The following GNG2 variants were observed in gnomAD, a reference collection of about 807,000 sequenced individuals.
The protein encoded by GNG2 is G protein subunit gamma 2.
GNG2 carries 5 observed loss-of-function variants against 5.5 expected under a neutral mutation model. That is an observed-to-expected ratio of 0.91 (90% CI 0.48 to 1.92). The LOEUF (loss-of-function observed/expected upper bound fraction) is 1.92, where lower values mean the gene tolerates loss of function less well. Among genes scored for constraint, GNG2 ranks in the 30% most tolerant of loss-of-function variants. The pLI is 0.01. For missense variants in GNG2, 55 were observed against 88.4 expected, an observed-to-expected ratio of 0.62 and a Z score of 1.52; for synonymous variants, 28 against 32.0, an observed-to-expected ratio of 0.88 and a Z score of 0.42.
intron 2 of GNG2, among the ~76,000 whole-genome samples, chr14:51,909,674 C>A (rs1268323512): frequency 6.6e-6 from 1 of 152,172 alleles, no homozygotes; most frequent in Non-Finnish European, 1.5e-5. Flanking sequence ...CTCCAGGGCC[C>A]AAATTTGACT....
At chr14:51,923,539 A>G (rs933089363) in intron 2 of GNG2, among the ~76,000 whole-genome samples, 1 of 129,092 alleles carries the variant, frequency 7.7e-6, no homozygotes, top group East Asian at 2.1e-4. Context: ...ATATATACAC[A>G]TATACACATA....
Position 51,895,998 on chromosome 14 carries a change from C to G in GNG2, c.-30+18341C>G, listed in dbSNP as rs181621717. ...TGGAACTGTAAGTCCAATTAAACCTCTTTCTCTTGTAAATTGCCCAGTCTC... is the reference window on the plus strand; with the variant it reads ...TGGAACTGTAAGTCCAATTAAACCTGTTTCTCTTGTAAATTGCCCAGTCTC... On this transcript the variant is annotated intron_variant, in intron 2 of 3. Coordinates refer to ENST00000556766, the MANE Select transcript of GNG2 (RefSeq NM_053064.5). Among the ~76,000 whole-genome samples the G allele has an allele frequency of 3.3e-5, 5 of 152,372 alleles. No individual in the cohort carries two copies. In the East Asian group the frequency reaches 9.6e-4, roughly 29 times the overall value.
At chr14:51,950,266 C>T (rs1566709271) in intron 2 of GNG2, among the ~76,000 whole-genome samples, 2 of 152,058 alleles carry the variant, frequency 1.3e-5, no homozygotes, top group African/African-American at 4.8e-5. Context: ...GGAGGAATGG[C>T]TATTTACAGC....
intron 2 of GNG2, among the ~76,000 whole-genome samples, chr14:51,934,171 G>A (rs1298999654): frequency 1.3e-5 from 2 of 152,128 alleles, no homozygotes; most frequent in Non-Finnish European, 2.9e-5. Context: ...AAAGCAGCAC[G>A]TGAGGGCATG....
chr14:51,827,217 T>C (rs1881052639), intron 1 of GNG2, among the ~76,000 whole-genome samples: 1 of 152,206 alleles, frequency 6.6e-6, no homozygotes, highest in Non-Finnish European at 1.5e-5. Context: ...TCAATACTCT[T>C]TAAAGCCTTC....
At chr14:51,966,227 A>AAAAAAAAAAAAAAAAAAAAAAC (rs1566720324) in intron 3 of GNG2, among the ~76,000 whole-genome samples, 1 of 148,842 alleles carries the variant, frequency 6.7e-6, no homozygotes, top group African/African-American at 2.5e-5. Context: ...AAAAAAAAAA[A>AAAAAAAAAAAAAAAAAAAAAAC]AAAAAAAAAA....
chr14:51,867,948 T>C (rs944006720), intron 1 of GNG2, among the ~76,000 whole-genome samples: 1 of 152,168 alleles, frequency 6.6e-6, no homozygotes, highest in Non-Finnish European at 1.5e-5. Context: ...AGCGGTCACA[T>C]CTGGTTTCAT....
chr14:51,927,593 C>A (rs1235700768), intron 2 of GNG2, among the ~76,000 whole-genome samples: 1 of 152,082 alleles, frequency 6.6e-6, no homozygotes, highest in Admixed American at 6.6e-5. Context: ...CTGTTTTTAC[C>A]TTTGGAGTGT....
intron 2 of GNG2, among the ~76,000 whole-genome samples, chr14:51,908,756 T>TTTTTTTTTTC: frequency 6.9e-6 from 1 of 145,928 alleles, no homozygotes; most frequent in African/African-American, 2.6e-5. Flanking sequence ...TTTTTTTTTT[T>TTTTTTTTTTC]TTTAGTAGAG....
intron 2 of GNG2, among the ~76,000 whole-genome samples, chr14:51,884,031 A>G (rs1180935883): frequency 1.3e-5 from 2 of 152,142 alleles, no homozygotes; most frequent in Admixed American, 1.3e-4. Flanking sequence ...TTGTAGCCTC[A>G]GTGCCTAGAG....
At chr14:51,864,575 C>T (rs763123650) in intron 1 of GNG2, among the ~76,000 whole-genome samples, 7 of 152,180 alleles carry the variant, frequency 4.6e-5, no homozygotes, top group Non-Finnish European at 8.8e-5. Flanking sequence ...ATGTGCATAG[C>T]TTCTGCTAGT....
rs761049973 is a variant in GNG2 at position 51,942,589 on chromosome 14, C to CTTTCTTTCTTTCTT, written c.-29-8058_-29-8057insCTTTCTTTCTTTTT. ...ATTTTTTCTCTTTCTTTCTTTCTTT[C>CTTTCTTTCTTTCTT]TTTTTTTTTTTTTTTTTAGAGACAG... is the stretch of plus-strand genomic sequence containing the variant. On this transcript the variant is annotated intron_variant, in intron 2 of 3. Coordinates refer to ENST00000556766, the MANE Select transcript of GNG2 (RefSeq NM_053064.5). 4.3e-3 allele frequency among the ~76,000 whole-genome samples: 348 copies of CTTTCTTTCTTTCTT among 81,118 alleles called. 1 individual carries two copies. The highest frequency in any genetic ancestry group is 7.3e-3 in the African/African-American group (124 of 16,898). 53.2% of individuals were successfully genotyped at this position (81,118 alleles called of 152,430 possible).
chr14:51,841,028 G>A (rs766006824), intron 2 of GNG2, among the ~76,000 whole-genome samples: 1 of 152,216 alleles, frequency 6.6e-6, no homozygotes, highest in Non-Finnish European at 1.5e-5. Flanking sequence ...CAGGAGGAGT[G>A]ACCACAAATG....
At chr14:51,858,344 T>C (rs1882258035), upstream of GNG2, among the ~76,000 whole-genome samples, 1 of 152,228 alleles carries the variant, frequency 6.6e-6, no homozygotes, top group South Asian at 2.1e-4. Flanking sequence ...GTATAGAGTT[T>C]TGTTGGCACC....
At chr14:51,944,975 T>A (rs1888555997) in intron 2 of GNG2, among the ~76,000 whole-genome samples, 1 of 152,068 alleles carries the variant, frequency 6.6e-6, no homozygotes, top group Non-Finnish European at 1.5e-5. Context: ...GCAACAGAGT[T>A]GAATAGGTAT....
rs574760044 is a variant in GNG2 at position 51,875,627 on chromosome 14, A to G, written c.-70-1990A>G. ...ATAATTATACTAGAAAATGTGTTATATAATACAACTTATATTATGTATATA... is the reference window on the plus strand; with the variant it reads ...ATAATTATACTAGAAAATGTGTTATGTAATACAACTTATATTATGTATATA... On this transcript the variant is annotated intron_variant, in intron 1 of 3. Transcript: ENST00000556766. Among the ~76,000 whole-genome samples, 9 of 151,870 alleles carry G rather than the reference A, an allele frequency of 5.9e-5. No individual in the cohort carries two copies. The South Asian group carries it at 1.7e-3, about 28-fold the overall frequency.
intron 2 of GNG2, among the ~76,000 whole-genome samples, chr14:51,940,898 A>G (rs1350057541): frequency 6.6e-6 from 1 of 152,188 alleles, no homozygotes; most frequent in African/African-American, 2.4e-5. Context: ...CTTGATTCAC[A>G]ATTCACATTG....
At chr14:51,888,838 G>A (rs1884638782) in intron 2 of GNG2, among the ~76,000 whole-genome samples, 1 of 152,088 alleles carries the variant, frequency 6.6e-6, no homozygotes, top group Non-Finnish European at 1.5e-5. Context: ...CAACCTGGAG[G>A]AAACAACATA....
intron 1 of GNG2, among the ~76,000 whole-genome samples, chr14:51,864,729 A>G (rs1481387674): frequency 6.6e-6 from 1 of 152,172 alleles, no homozygotes; most frequent in African/African-American, 2.4e-5. Context: ...TGGTCCCCTC[A>G]TTAGAGAAAA....
Sources: allele counts gnomAD v4.1 joint callset (sites outside exome capture counted in the v4.1 genomes callset), GRCh38; gene constraint gnomAD v4.1.1; transcripts MANE v1.5; gene names NCBI Gene and HGNC (gene_info 2026-07-23, HGNC 2026-07-21).